The following DCDC1 variants were observed in gnomAD, a reference collection of about 807,000 sequenced individuals.
DCDC1 encodes doublecortin domain containing 1, also known as doublecortin domain-containing protein 1.
Under a neutral mutation model 178.3 loss-of-function variants are expected in DCDC1, and 200 were observed. The observed-to-expected ratio is 1.12, with a 90% CI of 1.00 to 1.26. DCDC1 has a LOEUF of 1.26. Among genes scored for constraint, DCDC1 ranks in the 50% most tolerant of loss-of-function variants. The pLI is 0.00. For synonymous variants in DCDC1, 690 were observed against 604.8 expected (o/e 1.14, Z -2.07); for missense variants, 1,983 against 1,749.2 (o/e 1.13, Z -2.38).
intron 21 of DCDC1, among the ~76,000 whole-genome samples, chr11:30,941,376 C>A (rs992818870): frequency 1.3e-5 from 2 of 152,174 alleles, no homozygotes; most frequent in African/African-American, 4.8e-5. Context: ...CCTGCATGAT[C>A]AGTACCTCCT....
intron 6 of DCDC1, among the ~76,000 whole-genome samples, chr11:31,297,640 C>G (rs920528795): frequency 6.6e-6 from 1 of 152,110 alleles, no homozygotes; most frequent in Non-Finnish European, 1.5e-5. Context: ...CCACCATGCC[C>G]GGCCCCCATA....
At position 30,922,651 on chromosome 11, in the gene DCDC1, G is replaced by T. The variant is rs780091633; in HGVS notation, c.2998-13C>A. The T allele has an allele frequency of 6.6e-7, 1 of 1,517,520 alleles. No individual in the cohort carries two copies. The highest frequency in any genetic ancestry group is 8.8e-7 in the Non-Finnish European group (1 of 1,140,276). 94.0% of individuals were successfully genotyped at this position (1,517,520 alleles called of 1,614,324 possible). A position where few individuals can be genotyped will look rare whatever the true frequency, so the allele number is the denominator to read the frequency against. On this transcript the variant is annotated splice_polypyrimidine_tract_variant and intron_variant, in intron 23 of 38. Transcript: ENST00000684477. ...ATGAAACATACACCTATCAAACAAA[G>T]CATCTCTTATCCTGTATATAATTGT... is the stretch of plus-strand genomic sequence containing the variant.
intron 8 of DCDC1, among the ~76,000 whole-genome samples, chr11:31,255,469 T>A (rs1565503720): frequency 6.6e-6 from 1 of 151,996 alleles, no homozygotes; most frequent in Non-Finnish European, 1.5e-5. Flanking sequence ...ACACTTGTTA[T>A]TCTCTGTGTG....
chr11:31,231,629 C>A (rs1016755920), intron 9 of DCDC1, among the ~76,000 whole-genome samples: 1 of 152,050 alleles, frequency 6.6e-6, no homozygotes, highest in Non-Finnish European at 1.5e-5. Flanking sequence ...CTTTGTATAC[C>A]TTCAGGGGAA....
At chr11:31,100,680 T>C (rs1045189777) in intron 15 of DCDC1, among the ~76,000 whole-genome samples, 4 of 152,116 alleles carry the variant, frequency 2.6e-5, no homozygotes, top group African/African-American at 9.6e-5. Context: ...TAATGTACAG[T>C]ATACAGAGCA....
Position 31,094,126 on chromosome 11 carries a change from C to A in DCDC1, c.2042G>T (p.Gly681Val). Residue 681 changes from glycine to valine, a missense_variant, in exon 16 of 39, where the codon GGC (glycine) becomes GTC (valine). Coordinates refer to ENST00000684477, the MANE Select transcript of DCDC1 (RefSeq NM_001387274.1). ...TTGACTCCTGCTGCTTGCTTCACTG[C>A]CTGAGAAACTCCACTTTCCAATGGA... Reference protein sequence around the residue: ...SVSIGKWSFSGSEASSRSQIA... With the variant: ...SVSIGKWSFSVSEASSRSQIA... 1.3e-6 allele frequency: 1 copy of A among 766,190 alleles called. No homozygotes were observed. 47.5% of individuals were successfully genotyped at this position (766,190 alleles called of 1,614,324 possible).
intron 36 of DCDC1, chr11:30,881,970 A>G (rs190892261): frequency 6.5e-6 from 1 of 153,872 alleles, no homozygotes; most frequent in Non-Finnish European, 1.5e-5. Flanking sequence ...AGGCAATTCC[A>G]TTAAAATGTG....
chr11:31,082,615 C>A (rs979869848), intron 17 of DCDC1, among the ~76,000 whole-genome samples: 1 of 151,202 alleles, frequency 6.6e-6, no homozygotes, highest in African/African-American at 2.4e-5. Flanking sequence ...ATCTATACAT[C>A]ACACACATAT....
chr11:30,883,202 A>C (rs1340668145), intron 36 of DCDC1: 1 of 157,834 alleles, frequency 6.3e-6, no homozygotes, highest in Non-Finnish European at 1.4e-5. Flanking sequence ...TCAAGTGAGG[A>C]TGAAGAGAGA....
chr11:30,962,440 A>G (rs1477937259), intron 20 of DCDC1, among the ~76,000 whole-genome samples: 3 of 151,974 alleles, frequency 2.0e-5, no homozygotes, highest in African/African-American at 4.8e-5. Flanking sequence ...TCCATCCTGT[A>G]TAGCTGGGAG....
rs139527703 is a variant in DCDC1, at chr11:31,040,107, G to A, written c.2591+24362C>T. 2.2e-3 allele frequency among the ~76,000 whole-genome samples: 338 copies of A among 151,958 alleles called. 2 individuals carry two copies. The highest frequency in any genetic ancestry group is 7.7e-3 in the African/African-American group (318 of 41,428). On this transcript the variant is annotated intron_variant, in intron 20 of 38. Coordinates refer to ENST00000684477, the MANE Select transcript of DCDC1 (RefSeq NM_001387274.1). ...TTGGCTACTGGAAGACAGAAATATG[G>A]TTATGCAAAAATGGTCAAAACTAAA...
chr11:30,965,605 T>A (rs930346630), intron 20 of DCDC1, among the ~76,000 whole-genome samples: 20 of 36,260 alleles, frequency 5.5e-4, no homozygotes, highest in Admixed American at 4.8e-3. Flanking sequence ...GTTTTTTTAA[T>A]TTTTTTTTAT....
At chr11:30,877,241 G>A (rs950514619) in intron 38 of DCDC1, among the ~76,000 whole-genome samples, 1 of 152,094 alleles carries the variant, frequency 6.6e-6, no homozygotes, top group African/African-American at 2.4e-5. Context: ...CTGCCTTCCT[G>A]CATCACATTA....
chr11:31,203,109 A>G (rs1971482910), intron 9 of DCDC1, among the ~76,000 whole-genome samples: 1 of 152,216 alleles, frequency 6.6e-6, no homozygotes, highest in African/African-American at 2.4e-5. Flanking sequence ...GAGACTGCAA[A>G]CCAAAATGCC....
chr11:30,939,643 C>A (rs1947504262), intron 21 of DCDC1, among the ~76,000 whole-genome samples: 1 of 152,134 alleles, frequency 6.6e-6, no homozygotes, highest in Non-Finnish European at 1.5e-5. Context: ...TCTTAAGTTT[C>A]AATTTCCCAA....
At chr11:31,264,946 T>C (rs549540121) in intron 8 of DCDC1, among the ~76,000 whole-genome samples, 21 of 152,314 alleles carry the variant, frequency 1.4e-4, no homozygotes, top group Non-Finnish European at 2.4e-4. Flanking sequence ...TACCATGAAG[T>C]TGCTAAATGC....
chr11:30,930,018 G>A (rs1473523365), intron 22 of DCDC1, among the ~76,000 whole-genome samples: 2 of 152,074 alleles, frequency 1.3e-5, no homozygotes, highest in Non-Finnish European at 2.9e-5. Flanking sequence ...TGTTACTAGG[G>A]CAAGATTTGG....
intron 9 of DCDC1, among the ~76,000 whole-genome samples, chr11:31,151,990 G>A (rs926191096): frequency 6.6e-6 from 1 of 152,072 alleles, no homozygotes; most frequent in African/African-American, 2.4e-5. Context: ...ATGTGGTAAT[G>A]GACATGTTAA....
chr11:31,288,075 G>C (rs1286989769), intron 7 of DCDC1, among the ~76,000 whole-genome samples: 1 of 151,790 alleles, frequency 6.6e-6, no homozygotes, highest in Non-Finnish European at 1.5e-5. Flanking sequence ...TAAAAGAAAT[G>C]CTATCTTGAA....
Sources: gnomAD v4.1 joint callset for allele counts (sites outside exome capture counted in the v4.1 genomes callset) on GRCh38, gnomAD v4.1.1 for gene constraint, MANE v1.5 for transcripts, NCBI Gene and HGNC (gene_info 2026-07-23, HGNC 2026-07-21) for gene names.